SSB: variants seen among roughly 807,000 people sequenced by gnomAD.
SSB encodes the protein lupus La protein.
SSB carries 17 observed loss-of-function variants against 52.9 expected under a neutral mutation model. The observed-to-expected ratio is 0.32, with a 90% CI of 0.22 to 0.48. The LOEUF is 0.48. Among genes scored for constraint, SSB ranks in the 20% least tolerant of loss-of-function variants. The probability of loss-of-function intolerance (pLI) is 0.99; values close to 1 mark genes in which losing one functional copy is unlikely to be tolerated. For synonymous variants in SSB, 111 were observed against 152.1 expected (o/e 0.73, Z 1.99); for missense variants, 314 against 463.6 (o/e 0.68, Z 2.96).
intron 11 of SSB, 72 bp from the exon 12 acceptor site, chr2:169,811,595 AG>A (rs1689957907): frequency 4.5e-6 from 7 of 1,549,690 alleles, no homozygotes; most frequent in East Asian, 2.3e-5. Context: ...TATCATTATT[AG>A]TAATTGTGCT....
intron 2 of SSB, among the ~76,000 whole-genome samples, chr2:169,801,683 G>A (rs1242134517): frequency 1.3e-5 from 2 of 151,592 alleles, no homozygotes; most frequent in Non-Finnish European, 2.9e-5. Flanking sequence ...ACAGGAGCAC[G>A]CCACCACACC....
chr2:169,805,791 A>T lies in SSB; in HGVS notation c.297A>T (p.Glu99Asp). 1 of 1,614,116 alleles carries T rather than the reference A, an allele frequency of 6.2e-7. No individual in the cohort carries two copies. The highest frequency in any genetic ancestry group is 8.5e-7 in the Non-Finnish European group (1 of 1,180,000). Residue 99 changes from glutamate (E) to aspartate (D), a missense_variant, in exon 4 of 12, where the codon GAA (glutamate) becomes GAT (aspartate). Physicochemically the swap from Glu to Asp is conservative, Grantham distance 45. Coordinates refer to ENST00000260956, the MANE Select transcript of SSB (RefSeq NM_003142.5). ...IRRSPSKPLPEVTDEYKNDVK... is the reference protein window; with the variant it reads ...IRRSPSKPLPDVTDEYKNDVK... ...GGTCTCCAAGCAAACCCCTACCTGA[A>T]GTGACTGATGAGTATAAAAATGATG... is the stretch of plus-strand genomic sequence containing the variant.
At chr2:169,801,726 G>T (rs1208785771) in intron 2 of SSB, among the ~76,000 whole-genome samples, 1 of 151,794 alleles carries the variant, frequency 6.6e-6, no homozygotes, top group African/African-American at 2.4e-5. Context: ...TAGCGACAGG[G>T]TTTCACCATG....
chr2:169,810,689 G>T, intron 9 of SSB, 169 bp from the exon 10 acceptor site: 1 of 694,338 alleles, frequency 1.4e-6, no homozygotes, highest in Non-Finnish European at 2.4e-6. Flanking sequence ...TCATACTGAT[G>T]ATTGCAGTTT....
rs571911479 is a variant in SSB, at chr2:169,810,385, G to A, written c.772G>A (p.Glu258Lys). The A allele has an allele frequency of 3.7e-6, 6 of 1,609,876 alleles. No individual in the cohort carries two copies. The highest frequency in any genetic ancestry group is 5.1e-6 in the Non-Finnish European group (6 of 1,178,604). The change falls in exon 9 of 12, where the codon GAA (glutamate) becomes AAA (lysine). Residue 258 changes from glutamate (E) to lysine (K), a missense_variant. Glu to Lys is a moderately conservative substitution (Grantham distance 56). Coordinates refer to ENST00000260956, the MANE Select transcript of SSB (RefSeq NM_003142.5). Reference protein sequence around the residue: ...DLHILFSNHGEIKWIDFVRGA... With the variant: ...DLHILFSNHGKIKWIDFVRGA... ...ACACATACTTTTCTCAAATCATGGTGAAATAAAATGGATAGACTTCGTCAG... is the reference window on the plus strand; with the variant it reads ...ACACATACTTTTCTCAAATCATGGTAAAATAAAATGGATAGACTTCGTCAG...
intron 9 of SSB, 31 bp from the exon 10 acceptor site, chr2:169,810,827 G>T: frequency 1.3e-6 from 2 of 1,566,984 alleles, no homozygotes; most frequent in Non-Finnish European, 1.7e-6. Flanking sequence ...AAAACCAAGG[G>T]TATGGCTTTT....
rs771841136 is a variant in SSB at position 169,810,894 on chromosome 2, T to C, written c.847T>C (p.Leu283=). 13 of 1,612,190 alleles carry C rather than the reference T, an allele frequency of 8.1e-6. No homozygotes were observed. The highest frequency in any genetic ancestry group is 5.4e-5 in the African/African-American group (4 of 74,748). ...ILFKEKAKEA[L]GKAKDANNGN... Reference sequence around the variant, plus strand: ...ATTTAAAGAAAAAGCCAAGGAAGCATTGGGTAAAGCCAAAGATGCAAATAA... The same window carrying C: ...ATTTAAAGAAAAAGCCAAGGAAGCACTGGGTAAAGCCAAAGATGCAAATAA... Residue 283 remains leucine, a synonymous_variant, in exon 10 of 12, where the codon TTG becomes CTG. Coordinates refer to ENST00000260956, the MANE Select transcript of SSB (RefSeq NM_003142.5).
At position 169,805,812 on chromosome 2, in the gene SSB, T is replaced by C; in HGVS notation, c.318T>C (p.Asn106=). The change falls in exon 4 of 12, where the codon AAT becomes AAC. Residue 106 remains asparagine (N), a synonymous_variant. Transcript: ENST00000260956. ...CTGAAGTGACTGATGAGTATAAAAA[T>C]GATGTAAAAAACAGATCTGTTTATA... ...PLPEVTDEYK[N]DVKNRSVYIK... The C allele has an allele frequency of 6.2e-7, 1 of 1,613,338 alleles. No individual in the cohort carries two copies. Among genetic ancestry groups the C allele is most frequent in the Non-Finnish European group, 8.5e-7 (1 of 1,179,838 alleles).
At chr2:169,804,058 GT>G (rs1689769355) in intron 2 of SSB, among the ~76,000 whole-genome samples, 2 of 151,932 alleles carry the variant, frequency 1.3e-5, no homozygotes, top group South Asian at 4.2e-4. Context: ...TCCTTTAACT[GT>G]TTTCTATTAG....
chr2:169,811,374 CATAA>C (rs1285439573), intron 11 of SSB, 51 bp downstream of exon 11: 2 of 1,487,116 alleles, frequency 1.3e-6, no homozygotes, highest in Non-Finnish European at 1.8e-6. Flanking sequence ...TTTCTACTTC[CATAA>C]ATAAATGATT....
At chr2:169,805,247 CTTT>C (rs1216278013) in intron 2 of SSB, among the ~76,000 whole-genome samples, 1 of 152,140 alleles carries the variant, frequency 6.6e-6, no homozygotes, top group Non-Finnish European at 1.5e-5. Context: ...ATATATTCTT[CTTT>C]AAGGTTTTCT....
intron 8 of SSB, 136 bp from the exon 9 acceptor site, chr2:169,810,147 C>T (rs1390730841): frequency 1.3e-5 from 6 of 452,168 alleles, no homozygotes; most frequent in African/African-American, 1.2e-4. Flanking sequence ...CTCTTGCTGC[C>T]CCGGCGGAAG....
chr2:169,808,597 A>G (rs1159967107), intron 7 of SSB, 44 bp downstream of exon 7: 1 of 1,535,524 alleles, frequency 6.5e-7, no homozygotes, highest in Admixed American at 1.7e-5. Flanking sequence ...AATTCCTTAA[A>G]GCTCTGACAG....
intron 6 of SSB, among the ~76,000 whole-genome samples, chr2:169,808,069 A>G (rs1689865989): frequency 6.6e-6 from 1 of 152,216 alleles, no homozygotes; most frequent in Non-Finnish European, 1.5e-5. Flanking sequence ...TTAACACTAT[A>G]GAAAACTGCA....
At chr2:169,806,657 C>T in intron 4 of SSB, 128 bp from the exon 5 acceptor site, 1 of 707,856 alleles carries the variant, frequency 1.4e-6, no homozygotes, top group East Asian at 2.7e-5. Flanking sequence ...AAGTGATTAA[C>T]AAAGAGAAAT....
intron 10 of SSB, 44 bp from the exon 11 acceptor site, chr2:169,811,139 C>A: frequency 6.3e-7 from 1 of 1,592,744 alleles, no homozygotes; most frequent in Admixed American, 1.9e-5. Flanking sequence ...TGACAAGAGA[C>A]TTAAAAAAAG....
Position 169,809,069 on chromosome 2 carries a change from G to T in SSB, c.669+167G>T. Reference sequence around the variant, plus strand: ...TATTGAGGGAAAAGAGAAAACTAAGGATAGGAAATATGTTCTAAAATATGG... The same window carrying T: ...TATTGAGGGAAAAGAGAAAACTAAGTATAGGAAATATGTTCTAAAATATGG... On this transcript the variant is annotated intron_variant, in intron 8 of 11. Transcript: ENST00000260956. 6.0e-6 allele frequency: 4 copies of T among 671,322 alleles called. 1 individual carries two copies. In the South Asian group the frequency reaches 6.2e-5, roughly 10 times the overall value. The allele number at this position is 671,322 out of a possible 1,614,324, so 41.6% of individuals were successfully genotyped here.
At chr2:169,801,117 C>A in intron 2 of SSB, 91 bp downstream of exon 2, 2 of 1,076,412 alleles carry the variant, frequency 1.9e-6, no homozygotes, top group South Asian at 1.8e-5. Flanking sequence ...ACATATTCAA[C>A]ATTTGGTTTG....
At chr2:169,810,199 T>G in intron 8 of SSB, 84 bp from the exon 9 acceptor site, 1 of 981,584 alleles carries the variant, frequency 1.0e-6, no homozygotes, top group Non-Finnish European at 1.4e-6. Flanking sequence ...GTCTTTTTCT[T>G]GTATAGCTAT....
Sources: gnomAD v4.1 joint callset for allele counts (sites outside exome capture counted in the v4.1 genomes callset) on GRCh38, gnomAD v4.1.1 for gene constraint, MANE v1.5 for transcripts, NCBI Gene and HGNC (gene_info 2026-07-23, HGNC 2026-07-21) for gene names.